Variants in TRAP1 observed in about 807,000 individuals in gnomAD.
The protein encoded by TRAP1 is heat shock protein 75 kDa, mitochondrial.
Under a neutral mutation model 89.1 loss-of-function variants are expected in TRAP1, and 102 were observed. The ratio of observed to expected loss-of-function variants is 1.15; its 90% CI spans 0.98 to 1.35. The LOEUF is 1.35. Ranked by LOEUF, TRAP1 falls within the 40% of genes most tolerant of loss-of-function variation. TRAP1 has a pLI of 0.00. For synonymous variants in TRAP1, 508 were observed against 388.0 expected, an observed-to-expected ratio of 1.31 and a Z score of -3.64; for missense variants, 1,256 against 945.3, an observed-to-expected ratio of 1.33 and a Z score of -4.31.
At chr16:3,683,112 T>G (rs1221663936) in intron 4 of TRAP1, among the ~76,000 whole-genome samples, 1 of 151,148 alleles carries the variant, frequency 6.6e-6, no homozygotes, top group East Asian at 2.0e-4. Context: ...GAGGTTGCAG[T>G]GAGCTGAAAT....
At position 3,671,896 on chromosome 16, in the gene TRAP1, C is replaced by T. The variant is rs1435259005; in HGVS notation, c.1166-105G>A. On this transcript the variant is annotated intron_variant, in intron 10 of 17. Transcript: ENST00000246957. ...TCTTCAGGCCTGGCCTTCAACCCAG[C>T]ACGTGTGCTAAGAGGGAAGCAGGGA... The T allele has an allele frequency of 3.3e-6, 4 of 1,215,278 alleles. No homozygotes were observed. In the African/African-American group the frequency reaches 5.9e-5, roughly 18 times the overall value. 75.3% of individuals were successfully genotyped at this position (1,215,278 alleles called of 1,614,324 possible).
intron 17 of TRAP1, 147 bp downstream of exon 17, chr16:3,658,646 C>G (rs1321722376): frequency 2.5e-6 from 2 of 787,338 alleles, no homozygotes; most frequent in African/African-American, 3.5e-5. Flanking sequence ...GCACTCCAGC[C>G]TGGCAACAGA....
intron 9 of TRAP1, among the ~76,000 whole-genome samples, chr16:3,673,697 G>C (rs1229546120): frequency 6.6e-6 from 1 of 152,214 alleles, no homozygotes; most frequent in Non-Finnish European, 1.5e-5. Context: ...CAGCTGTGCA[G>C]GACATTAGGA....
rs2074801 is a variant in TRAP1, at chr16:3,676,453, T to G, written c.705-308A>C. 89,627 of 198,866 alleles carry G rather than the reference T, an allele frequency of 0.45. 22,428 individuals are homozygous for G. Among genetic ancestry groups the G allele is most frequent in the East Asian group, 0.65 (4,975 of 7,700 alleles). The allele number at this position is 198,866 out of a possible 1,614,324, so 12.3% of individuals were successfully genotyped here. ...TACCCCAAAAGCAGGCCTGGGGCACTGTGGGGGACTGGCCCAGCTCCAAAT... is the reference window on the plus strand; with the variant it reads ...TACCCCAAAAGCAGGCCTGGGGCACGGTGGGGGACTGGCCCAGCTCCAAAT... On this transcript the variant is annotated intron_variant, in intron 6 of 17. Transcript: ENST00000246957.
Position 3,658,129 on chromosome 16 carries a change from T to G in TRAP1, c.2115A>C (p.Ter705CysextTer8), listed in dbSNP as rs140188034. Residue 705 changes from the stop codon to cysteine (C), a stop_lost, in exon 18 of 18, where the codon TGA (stop) becomes TGC (cysteine). Coordinates refer to ENST00000246957, the MANE Select transcript of TRAP1 (RefSeq NM_016292.3). ...ELLVKALERH[*>C] ...GTCAGTCCTTCTGGCCCCCTGGCTG[T>G]CAGTGTCGCTCCAGGGCCTTGACAA... 7.9e-4 allele frequency: 1,283 copies of G among 1,613,894 alleles called. 6 individuals are homozygous for G. The African/African-American group carries it at 0.015, about 18-fold the overall frequency.
intron 11 of TRAP1, among the ~76,000 whole-genome samples, chr16:3,666,673 T>C (rs1388265298): frequency 4.6e-5 from 7 of 152,124 alleles, no homozygotes; most frequent in Admixed American, 4.6e-4. Context: ...CGTCTATAGA[T>C]ACAGGCAAAG....
In TRAP1 at chr16:3,675,253, T is replaced by A. The variant is rs557741068; in HGVS notation, c.888+71A>T. 1.8e-5 allele frequency: 27 copies of A among 1,509,818 alleles called. No individual in the cohort carries two copies. The Admixed American group carries it at 2.4e-4, about 13-fold the overall frequency. 93.5% of individuals were successfully genotyped at this position (1,509,818 alleles called of 1,614,324 possible). The stretch of plus-strand genomic sequence containing the variant: ...GGGCCGCATCCCCTGGGCTCATCTC[T>A]TCTCCGCTGCCCTGAAACGTACAGA... On this transcript the variant is annotated intron_variant, in intron 8 of 17. Transcript: ENST00000246957.
At chr16:3,711,601 A>C (rs2051532528) in intron 1 of TRAP1, among the ~76,000 whole-genome samples, 1 of 152,014 alleles carries the variant, frequency 6.6e-6, no homozygotes, top group African/African-American at 2.4e-5. Context: ...TCCATCTTGA[A>C]AAAAACAAAA....
rs113513981 is a variant in TRAP1 at position 3,687,877 on chromosome 16, AC to A, written c.330+1177del. ...AATTAAAAAACCAAAAAAAAAAAAA[AC>A]AAAAACCCACACAATTAAAAATAGA... On this transcript the variant is annotated intron_variant, in intron 3 of 17. Transcript: ENST00000246957. 1.7e-3 allele frequency among the ~76,000 whole-genome samples: 257 copies of A among 150,298 alleles called. 4 individuals carry two copies. The highest frequency in any genetic ancestry group is 9.5e-3 in the East Asian group (49 of 5,144).
chr16:3,713,978 C>T (rs2051564882), intron 1 of TRAP1, among the ~76,000 whole-genome samples: 1 of 152,246 alleles, frequency 6.6e-6, no homozygotes, highest in Admixed American at 6.5e-5. Flanking sequence ...TAGCCTCATT[C>T]ACCATCACTC....
chr16:3,709,403 T>C (rs1218050735), intron 1 of TRAP1, among the ~76,000 whole-genome samples: 1 of 152,138 alleles, frequency 6.6e-6, no homozygotes, highest in Non-Finnish European at 1.5e-5. Context: ...TGACAGATGT[T>C]TTAAATACTG....
chr16:3,673,369 C>T lies in TRAP1; in HGVS notation c.1045-549G>A, dbSNP rs373501481. 4.3e-4 allele frequency among the ~76,000 whole-genome samples: 65 copies of T among 152,320 alleles called. No homozygotes were observed. The East Asian group carries it at 0.012, about 28-fold the overall frequency. ...CAGGGTTAGTGGCTACGAAAGACACCGGGCCCGAAACGCTGGGACCAGCTC... is the reference window on the plus strand; with the variant it reads ...CAGGGTTAGTGGCTACGAAAGACACTGGGCCCGAAACGCTGGGACCAGCTC... On this transcript the variant is annotated intron_variant, in intron 9 of 17. Transcript: ENST00000246957.
At chr16:3,680,442 G>C (rs141117199) in intron 4 of TRAP1, among the ~76,000 whole-genome samples, 8 of 152,362 alleles carry the variant, frequency 5.3e-5, no homozygotes, top group African/African-American at 1.9e-4. Flanking sequence ...TGGTTCTGGG[G>C]AACAGTGATC....
At chr16:3,683,388 C>CTT (rs1363716310) in intron 4 of TRAP1, among the ~76,000 whole-genome samples, 2 of 139,274 alleles carry the variant, frequency 1.4e-5, no homozygotes. Flanking sequence ...ACTAACATTT[C>CTT]TTTTTTTTTT....
intron 9 of TRAP1, 90 bp from the exon 10 acceptor site, chr16:3,672,910 G>C: frequency 6.7e-7 from 1 of 1,486,890 alleles, no homozygotes; most frequent in Middle Eastern, 1.8e-4. Context: ...GATGAATCCA[G>C]AGCCCACTCC....
chr16:3,706,552 T>C lies in TRAP1; in HGVS notation c.88+10869A>G, dbSNP rs111586541. 3.5e-3 allele frequency among the ~76,000 whole-genome samples: 524 copies of C among 148,304 alleles called. 4 individuals are homozygous for C. Among genetic ancestry groups the C allele is most frequent in the African/African-American group, 0.013 (503 of 40,138 alleles). The stretch of plus-strand genomic sequence containing the variant: ...ACAGCTCAATGTAGCCTCAAACTCC[T>C]GGGCTCGAGCAATTCTCCCACCTCA... On this transcript the variant is annotated intron_variant, in intron 1 of 17. Transcript: ENST00000246957.
rs373228323 is a variant in TRAP1 at position 3,662,888 on chromosome 16, G to A, written c.1788C>T (p.Asn596=). ...ATCCCCGGGAAAGCCTCACCTTCAC[G>A]TTGGTGACACGCGACCCCAGCACAT... ...MRNVLGSRVT[N]VKVTLRLDTH... is the part of the protein sequence containing the mutation. The change falls in exon 15 of 18, where the codon AAC becomes AAT. Residue 596 remains asparagine (N), a synonymous_variant. Transcript: ENST00000246957. The A allele has an allele frequency of 3.0e-5, 49 of 1,613,612 alleles. No homozygotes were observed. Among genetic ancestry groups the A allele is most frequent in the African/African-American group, 8.0e-5 (6 of 75,050 alleles).
intron 6 of TRAP1, 53 bp from the exon 7 acceptor site, chr16:3,676,198 C>T: frequency 1.3e-6 from 2 of 1,510,140 alleles, no homozygotes; most frequent in Non-Finnish European, 1.8e-6. Context: ...TGGGACATAC[C>T]CTGCATGGGA....
chr16:3,667,857 C>G (rs541731627), intron 11 of TRAP1, among the ~76,000 whole-genome samples: 1 of 147,154 alleles, frequency 6.8e-6, no homozygotes, highest in South Asian at 2.2e-4. Flanking sequence ...CTCCCGGGTT[C>G]AAGCAATTCT....
Sources: gnomAD v4.1 joint callset for allele counts (sites outside exome capture counted in the v4.1 genomes callset) on GRCh38, gnomAD v4.1.1 for gene constraint, MANE v1.5 for transcripts, NCBI Gene and HGNC (gene_info 2026-07-23, HGNC 2026-07-21) for gene names.